ENSA: variants seen among roughly 807,000 people sequenced by gnomAD.
The protein encoded by ENSA is endosulfine alpha.
ENSA carries 7 observed loss-of-function variants against 16.8 expected under a neutral mutation model. The ratio of observed to expected loss-of-function variants is 0.42; its 90% confidence interval spans 0.24 to 0.78. The LOEUF is 0.78. ENSA is among the 30% of genes least tolerant of loss of function. The pLI, the probability that ENSA is intolerant of heterozygous loss-of-function variation, is 0.29. For missense variants in ENSA, 87 were observed against 142.3 expected (o/e 0.61, Z 1.98); for synonymous variants, 58 against 53.4 (o/e 1.09, Z -0.37).
Position 150,622,241 on chromosome 1 carries a change from CCTT to C in ENSA, c.*600_*602del, listed in dbSNP as rs1365522003. The C allele has an allele frequency of 2.6e-5, 4 of 152,234 alleles. No homozygotes were observed. The highest frequency in any genetic ancestry group is 9.7e-5 in the African/African-American group (4 of 41,434). The allele number at this position is 152,234 out of a possible 1,614,324, so 9.4% of individuals were successfully genotyped here. A position where few individuals can be genotyped will look rare whatever the true frequency, so the allele number is the denominator to read the frequency against. On this transcript the variant is annotated 3_prime_UTR_variant, in exon 4 of 4. Transcript: ENST00000369014. ...GGCTCCTTTCTCCCACACTCACTGC[CCTT>C]CTTCCCACAGCAAATCTATTTCAAG... is the stretch of plus-strand genomic sequence containing the variant.
chr1:150,625,757 T>C lies in ENSA; in HGVS notation c.235A>G (p.Asn79Asp). 6.2e-7 allele frequency: 1 copy of C among 1,612,300 alleles called. No individual in the cohort carries two copies. Among genetic ancestry groups the C allele is most frequent in the Non-Finnish European group, 8.5e-7 (1 of 1,179,174 alleles). ...DYNMAKAKMKNKQLPSAGPDK... is the reference protein window; with the variant it reads ...DYNMAKAKMKDKQLPSAGPDK... The stretch of plus-strand genomic sequence containing the variant: ...GGTCCTGCACTTGGCAGCTGCTTAT[T>C]CTTCATCTTGGCTTTGGCCATGTTG... The change falls in exon 3 of 4, where the codon AAT becomes GAT. Residue 79 changes from asparagine (N) to aspartate (D), a missense_variant. Asn to Asp is a conservative substitution (Grantham distance 23). Transcript: ENST00000369014.
chr1:150,629,083 T>A, intron 1 of ENSA: 2 of 1,613,970 alleles, frequency 1.2e-6, no homozygotes, highest in South Asian at 2.2e-5. Flanking sequence ...ATAACACACA[T>A]CACACCCAAG....
chr1:150,624,729 C>T, intron 3 of ENSA: 3 of 985,440 alleles, frequency 3.0e-6, no homozygotes, highest in Non-Finnish European at 3.6e-6. Flanking sequence ...GGTTCACCAC[C>T]CACGAGCCTT....
At chr1:150,629,348 T>C in intron 1 of ENSA, 66 bp downstream of exon 1, 1 of 1,583,520 alleles carries the variant, frequency 6.3e-7, no homozygotes, top group Non-Finnish European at 8.6e-7. Context: ...TCCGCACTGG[T>C]GGGAGACCGT....
chr1:150,625,657 G>A lies in ENSA; in HGVS notation c.335C>T (p.Thr112Ile). The A allele has an allele frequency of 6.2e-7, 1 of 1,606,134 alleles. No homozygotes were observed. Among genetic ancestry groups the A allele is most frequent in the Non-Finnish European group, 8.5e-7 (1 of 1,175,798 alleles). Residue 112 changes from threonine (T) to isoleucine (I), a missense_variant, in exon 3 of 4, where the codon ACC (threonine) becomes ATC (isoleucine). Physicochemically the swap from Thr to Ile is moderately conservative, Grantham distance 89 (BLOSUM62 -1). Coordinates refer to ENST00000369014, the MANE Select transcript of ENSA (RefSeq NM_004436.4). ...CTCAGGTTACCCCGCAAGCTTGCTG[G>A]TGACGAGCGAGGACTTTCTCTGGGG... ...DLPQRKSSLV[T>I]SKLAGGQVE
Position 150,622,825 on chromosome 1 carries a change from G to C in ENSA, c.*19C>G. ...AGGGAGGGGAAGCGTCTCAGGATCT[G>C]GCAGAGCCCCGGGCAGCATCATTCA... is the stretch of plus-strand genomic sequence containing the variant. On this transcript the variant is annotated 3_prime_UTR_variant, in exon 4 of 4. Coordinates refer to ENST00000369014, the MANE Select transcript of ENSA (RefSeq NM_004436.4). 4 of 1,560,346 alleles carry C rather than the reference G, an allele frequency of 2.6e-6. No homozygotes were observed. The highest frequency in any genetic ancestry group is 3.5e-6 in the Non-Finnish European group (4 of 1,152,398).
rs1465950310 is a variant in ENSA at position 150,629,287 on chromosome 1, G to A, written c.57+127C>T. ...CATGTCGTGTTGAAGCTCACCCAGC[G>A]TGACGCAAAAAGTGGCCAACCCCTG... On this transcript the variant is annotated intron_variant, in intron 1 of 3. Coordinates refer to ENST00000369014, the MANE Select transcript of ENSA (RefSeq NM_004436.4). 5 of 1,514,014 alleles carry A rather than the reference G, an allele frequency of 3.3e-6. No individual in the cohort carries two copies. In the East Asian group the frequency reaches 6.8e-5, roughly 21 times the overall value. 93.8% of individuals were successfully genotyped at this position (1,514,014 alleles called of 1,614,324 possible).
At chr1:150,627,629 T>G in intron 1 of ENSA, 37 bp from the exon 2 acceptor site, 1 of 1,581,152 alleles carries the variant, frequency 6.3e-7, no homozygotes, top group Non-Finnish European at 8.6e-7. Flanking sequence ...AATTAAAGAC[T>G]GAGAAACAAC....
chr1:150,622,624 G>GA lies in ENSA; in HGVS notation c.*219dup. On this transcript the variant is annotated 3_prime_UTR_variant, in exon 4 of 4. Transcript: ENST00000369014. ...TGATATTTCTCCCAACTGTTATTTG[G>GA]AAAAAAGGTAAAACAAAAAAGGTTC... 1.4e-5 allele frequency: 2 copies of GA among 140,042 alleles called. No homozygotes were observed. The highest frequency in any genetic ancestry group is 1.5e-5 in the Non-Finnish European group (1 of 67,770). 8.7% of individuals were successfully genotyped at this position (140,042 alleles called of 1,614,324 possible). A position where few individuals can be genotyped will look rare whatever the true frequency, so the allele number is the denominator to read the frequency against.
intron 2 of ENSA, chr1:150,626,547 A>C (rs1571012498): frequency 6.2e-7 from 1 of 1,609,156 alleles, no homozygotes; most frequent in Non-Finnish European, 8.5e-7. Flanking sequence ...TGCAGAGGAG[A>C]GTAAGGAAAA....
chr1:150,626,488 C>A, intron 2 of ENSA: 2 of 1,613,276 alleles, frequency 1.2e-6, no homozygotes, highest in East Asian at 4.5e-5. Flanking sequence ...CCATTTCATC[C>A]GCACAGAGAA....
intron 3 of ENSA, chr1:150,624,515 A>T (rs1345192185): frequency 1.0e-6 from 1 of 985,796 alleles, no homozygotes; most frequent in African/African-American, 1.7e-5. Flanking sequence ...TAAGGCCCAG[A>T]GGTAGGCTGG....
chr1:150,627,758 C>G (rs1649452334), intron 1 of ENSA, among the ~76,000 whole-genome samples, 166 bp from the exon 2 acceptor site: 1 of 152,188 alleles, frequency 6.6e-6, no homozygotes. Flanking sequence ...CCCTAAAGCT[C>G]AAGATGACTA....
chr1:150,625,265 T>G (rs1649219043), intron 3 of ENSA: 31 of 1,000,154 alleles, frequency 3.1e-5, no homozygotes, highest in Non-Finnish European at 3.7e-5. Context: ...TAGGTTAGCC[T>G]TGGGATGTTA....
At chr1:150,629,105 T>TC in intron 1 of ENSA, 1 of 1,614,028 alleles carries the variant, frequency 6.2e-7, no homozygotes, top group Non-Finnish European at 8.5e-7. Context: ...CCACCAGCCA[T>TC]CCCCTTTCCA....
At chr1:150,622,914 G>A in intron 3 of ENSA, 55 bp from the exon 4 acceptor site, 1 of 1,532,338 alleles carries the variant, frequency 6.5e-7, no homozygotes, top group Non-Finnish European at 8.8e-7. Flanking sequence ...AGTAATAGGG[G>A]AAAAAAACCC....
At chr1:150,629,216 T>C (rs1042897904) in intron 1 of ENSA, 198 bp downstream of exon 1, 14 of 1,576,976 alleles carry the variant, frequency 8.9e-6, no homozygotes, top group South Asian at 1.1e-5. Flanking sequence ...TCAGGAAGAG[T>C]ACAGTACTGA....
intron 3 of ENSA, chr1:150,623,933 C>T (rs1649129650): frequency 1.0e-6 from 1 of 985,438 alleles, no homozygotes; most frequent in Non-Finnish European, 1.2e-6. Context: ...GGCATATACA[C>T]ACCTCATCCC....
chr1:150,622,971 AC>A, intron 3 of ENSA, 112 bp from the exon 4 acceptor site: 1 of 1,342,710 alleles, frequency 7.4e-7, no homozygotes, highest in Non-Finnish European at 1.0e-6. Context: ...ACATTTAACA[AC>A]CATTAGGCTA....
Sources: allele counts gnomAD v4.1 joint callset (sites outside exome capture counted in the v4.1 genomes callset), GRCh38; gene constraint gnomAD v4.1.1; transcripts MANE v1.5; gene names NCBI Gene and HGNC (gene_info 2026-07-23, HGNC 2026-07-21).